The following MYO5A variants were observed in gnomAD, a reference collection of about 807,000 sequenced individuals.
MYO5A encodes the protein myosin VA, also known as unconventional myosin-Va.
MYO5A carries 98 observed loss-of-function variants against 249.7 expected under a neutral mutation model. The ratio of observed to expected loss-of-function variants is 0.39; its 90% CI spans 0.33 to 0.46. The LOEUF is 0.46. Ranked by LOEUF, MYO5A falls within the 20% of genes least tolerant of loss-of-function variation. The probability of loss-of-function intolerance (pLI) is 0.98; values close to 1 mark genes in which losing one functional copy is unlikely to be tolerated. For synonymous variants in MYO5A, 778 were observed against 810.6 expected (o/e 0.96, Z 0.68); for missense variants, 1,696 against 2,308.8 (o/e 0.73, Z 5.44).
chr15:52,444,640 T>C (rs1217451907), intron 1 of MYO5A, among the ~76,000 whole-genome samples: 4 of 152,204 alleles, frequency 2.6e-5, no homozygotes, highest in Admixed American at 6.5e-5. Flanking sequence ...TTTCTCCTGA[T>C]TGGGACCAAA....
intron 1 of MYO5A, among the ~76,000 whole-genome samples, chr15:52,462,169 G>A (rs2076265099): frequency 6.6e-6 from 1 of 151,894 alleles, no homozygotes; most frequent in African/African-American, 2.4e-5. Context: ...AGGAGGCTGA[G>A]GCAGGAGAAT....
intron 1 of MYO5A, among the ~76,000 whole-genome samples, chr15:52,456,448 C>T (rs558468833): frequency 1.1e-3 from 172 of 151,778 alleles, no homozygotes; most frequent in Non-Finnish European, 1.9e-3. Flanking sequence ...ATATTCTTCA[C>T]AGAAACAGAA....
chr15:52,454,248 A>C (rs1415931915), intron 1 of MYO5A, among the ~76,000 whole-genome samples: 2 of 152,182 alleles, frequency 1.3e-5, no homozygotes, highest in Non-Finnish European at 2.9e-5. Context: ...TACAAGTCAA[A>C]GACTGTAAAA....
At chr15:52,315,029 C>G (rs2037930419) in intron 40 of MYO5A, among the ~76,000 whole-genome samples, 1 of 152,034 alleles carries the variant, frequency 6.6e-6, no homozygotes, top group East Asian at 1.9e-4. Flanking sequence ...GTTATCAGGT[C>G]TGTGGGTGAC....
intron 5 of MYO5A, chr15:52,415,903 T>G (rs2043460119): frequency 1.9e-6 from 1 of 525,486 alleles, no homozygotes; most frequent in South Asian, 2.2e-5. Flanking sequence ...ATTTTGCTGG[T>G]AGGTCAAAAA....
At chr15:52,473,390 T>C (rs551802793) in intron 1 of MYO5A, among the ~76,000 whole-genome samples, 1 of 152,346 alleles carries the variant, frequency 6.6e-6, no homozygotes, top group African/African-American at 2.4e-5. Context: ...CAGAAGCTCT[T>C]TAGTTTAATT....
chr15:52,494,535 C>T (rs960946078), intron 1 of MYO5A, among the ~76,000 whole-genome samples: 2 of 152,134 alleles, frequency 1.3e-5, no homozygotes, highest in African/African-American at 4.8e-5. Context: ...CTCTATCGCC[C>T]GGTCAGGAGT....
intron 1 of MYO5A, among the ~76,000 whole-genome samples, chr15:52,521,269 C>T (rs2077613981): frequency 6.6e-6 from 1 of 151,762 alleles, no homozygotes; most frequent in African/African-American, 2.4e-5. Context: ...CCCAGCTCAC[C>T]TTCATCTTTC....
At chr15:52,338,371 G>A (rs990246990) in intron 32 of MYO5A, among the ~76,000 whole-genome samples, 5 of 152,066 alleles carry the variant, frequency 3.3e-5, no homozygotes, top group East Asian at 1.9e-4. Context: ...AAGACAGCAC[G>A]GGGGAGGCCT....
chr15:52,462,836 A>G (rs892775847), intron 1 of MYO5A, among the ~76,000 whole-genome samples: 12 of 150,618 alleles, frequency 8.0e-5, no homozygotes, highest in Admixed American at 1.3e-4. Context: ...CGACAGCGAG[A>G]ATCCGTCTTG....
intron 1 of MYO5A, among the ~76,000 whole-genome samples, chr15:52,507,979 A>G (rs1484582814): frequency 2.0e-5 from 3 of 152,168 alleles, no homozygotes; most frequent in African/African-American, 7.2e-5. Flanking sequence ...TTACATATAT[A>G]TGTATGTATC....
At chr15:52,360,580 T>A (rs1207615347) in intron 24 of MYO5A, among the ~76,000 whole-genome samples, 1 of 152,234 alleles carries the variant, frequency 6.6e-6, no homozygotes, top group East Asian at 1.9e-4. Flanking sequence ...CTTCTGTCAC[T>A]TTAATACGTG....
rs183410802 is a variant in MYO5A, at chr15:52,389,298, T to G, written c.1608A>C (p.Ala536=). The change falls in exon 13 of 42, where the codon GCA becomes GCC. Residue 536 remains alanine, a synonymous_variant. Transcript: ENST00000399233. Reference sequence around the variant, plus strand: ...TTGATAGACGAGGCTTTTCAAAGAGTGCACATTTGTTCAAATGTGTGTTGT... The same window carrying G: ...TTGATAGACGAGGCTTTTCAAAGAGGGCACATTTGTTCAAATGTGTGTTGT... ...KLYNTHLNKC[A]LFEKPRLSNK... is the part of the protein sequence containing the mutation. The G allele has an allele frequency of 7.8e-5, 125 of 1,612,692 alleles. No individual in the cohort carries two copies. The highest frequency in any genetic ancestry group is 9.1e-5 in the Non-Finnish European group (107 of 1,178,854).
chr15:52,462,508 A>T (rs2076272600), intron 1 of MYO5A, among the ~76,000 whole-genome samples: 1 of 152,074 alleles, frequency 6.6e-6, no homozygotes, highest in African/African-American at 2.4e-5. Context: ...CACCTTGATC[A>T]TGATAAGACA....
chr15:52,445,762 T>G (rs189898635), intron 1 of MYO5A, among the ~76,000 whole-genome samples: 52 of 152,252 alleles, frequency 3.4e-4, no homozygotes, highest in Non-Finnish European at 6.6e-4. Context: ...ACCAAAGAAC[T>G]TGGCTACAAT....
Position 52,346,542 on chromosome 15 carries a change from G to T in MYO5A, c.3859-81C>A, listed in dbSNP as rs558519770. The stretch of plus-strand genomic sequence containing the variant: ...TAAAACACATTTATTTGGTATAACT[G>T]GGGGGCAGTGGTTATGTGCTCCACC... On this transcript the variant is annotated intron_variant, in intron 29 of 41. Coordinates refer to ENST00000399233, the MANE Select transcript of MYO5A (RefSeq NM_001382347.1). The T allele has an allele frequency of 2.0e-4, 171 of 862,700 alleles. No homozygotes were observed. The East Asian group carries it at 2.6e-3, about 13-fold the overall frequency. The allele number at this position is 862,700 out of a possible 1,614,324, so 53.4% of individuals were successfully genotyped here.
At chr15:52,372,444 C>T in intron 20 of MYO5A, 81 bp from the exon 21 acceptor site, 1 of 1,551,760 alleles carries the variant, frequency 6.4e-7, no homozygotes, top group Non-Finnish European at 8.7e-7. Flanking sequence ...GCTGAAAATC[C>T]ACACATTACC....
Position 52,333,460 on chromosome 15 carries a change from G to A in MYO5A, c.4409-2961C>T, listed in dbSNP as rs542671957. Among the ~76,000 whole-genome samples the A allele has an allele frequency of 3.9e-5, 6 of 152,292 alleles. No homozygotes were observed. In the South Asian group the frequency reaches 1.2e-3, roughly 32 times the overall value. ...AAAGGAGAGAAATCAGTGGCCCTTA[G>A]AAGGTATGTGTTCTAGTCCTGCCAT... On this transcript the variant is annotated intron_variant, in intron 34 of 41. Coordinates refer to ENST00000399233, the MANE Select transcript of MYO5A (RefSeq NM_001382347.1).
Position 52,340,332 on chromosome 15 carries a change from C to G in MYO5A, c.4103G>C (p.Arg1368Pro), listed in dbSNP as rs753717165. 1 of 1,613,954 alleles carries G rather than the reference C, an allele frequency of 6.2e-7. No individual in the cohort carries two copies. Among genetic ancestry groups the G allele is most frequent in the Non-Finnish European group, 8.5e-7 (1 of 1,180,030 alleles). The part of the protein sequence containing the change: ...RSHENEAEAL[R>P]GEIQSLKEEN... ...CTCCTTCAGGCTCTGGATCTCCCCA[C>G]GGAGGGCCTCGGCCTCATTCTCATG... The change falls in exon 32 of 42, where the codon CGT becomes CCT. Residue 1368 changes from arginine to proline, a missense_variant. Around this residue, in one of 5 missense-constraint regions of MYO5A, gnomAD observed 625 missense variants for 908.1 expected, o/e 0.69. Coordinates refer to ENST00000399233, the MANE Select transcript of MYO5A (RefSeq NM_001382347.1).
Sources: allele counts gnomAD v4.1 joint callset (sites outside exome capture counted in the v4.1 genomes callset), GRCh38; gene constraint gnomAD v4.1.1; regional missense constraint gnomAD v4.1.1; transcripts MANE v1.5; gene names NCBI Gene and HGNC (gene_info 2026-07-23, HGNC 2026-07-21).